The following IPCEF1 variants were observed in gnomAD, a reference collection of about 807,000 sequenced individuals.
The protein encoded by IPCEF1 is interaction protein for cytohesin exchange factors 1, also known as interactor protein for cytohesin exchange factors 1.
Under a neutral mutation model 50.9 loss-of-function variants are expected in IPCEF1, and 31 were observed. The ratio of observed to expected loss-of-function variants is 0.61; its 90% CI spans 0.46 to 0.82. IPCEF1 has a LOEUF of 0.82. IPCEF1 is among the 40% of genes least tolerant of loss of function. The probability of loss-of-function intolerance (pLI) is 0.00; values close to 1 mark genes in which losing one functional copy is unlikely to be tolerated. For missense variants in IPCEF1, 458 were observed against 514.0 expected, an observed-to-expected ratio of 0.89 and a Z score of 1.05; for synonymous variants, 181 against 192.0, an observed-to-expected ratio of 0.94 and a Z score of 0.47.
At chr6:154,347,304 C>A (rs980846767) in intron 1 of IPCEF1, among the ~76,000 whole-genome samples, 6 of 152,174 alleles carry the variant, frequency 3.9e-5, no homozygotes, top group Non-Finnish European at 8.8e-5. Flanking sequence ...CAAATTCTGA[C>A]CCCAGAGTCA....
chr6:154,281,150 G>C (rs1251562812), intron 2 of IPCEF1, among the ~76,000 whole-genome samples: 2 of 148,402 alleles, frequency 1.3e-5, no homozygotes, highest in African/African-American at 5.0e-5. Flanking sequence ...GACCAGCCTG[G>C]GCAAGATGGT....
At chr6:154,296,702 G>A (rs1782669301) in intron 1 of IPCEF1, among the ~76,000 whole-genome samples, 2 of 151,856 alleles carry the variant, frequency 1.3e-5, no homozygotes, top group Non-Finnish European at 2.9e-5. Context: ...GGTGGCGGGC[G>A]CCTGTAGTCC....
At chr6:154,274,100 T>C (rs988671472) in intron 2 of IPCEF1, among the ~76,000 whole-genome samples, 2 of 151,664 alleles carry the variant, frequency 1.3e-5, no homozygotes, top group Non-Finnish European at 2.9e-5. Context: ...CTGATTCCAA[T>C]CCATTTTCTA....
intron 1 of IPCEF1, among the ~76,000 whole-genome samples, chr6:154,305,114 CA>C (rs5881075): frequency 0.17 from 22,843 of 133,988 alleles, 2,205 homozygotes; most frequent in East Asian, 0.35. Flanking sequence ...AACTCTGTCT[CA>C]AAAAAAAAAA....
At chr6:154,178,178 T>C (rs1346360544) in intron 10 of IPCEF1, among the ~76,000 whole-genome samples, 1 of 152,062 alleles carries the variant, frequency 6.6e-6, no homozygotes, top group Admixed American at 6.6e-5. Flanking sequence ...TTAGGAGAAA[T>C]ACCTAATGTA....
At chr6:154,338,511 T>C (rs1185246744) in intron 1 of IPCEF1, among the ~76,000 whole-genome samples, 8 of 152,224 alleles carry the variant, frequency 5.3e-5, no homozygotes, top group Non-Finnish European at 1.0e-4. Flanking sequence ...TAAATTGTTA[T>C]GAGTTACTAA....
At chr6:154,239,919 C>T (rs549087547) in intron 5 of IPCEF1, among the ~76,000 whole-genome samples, 1 of 152,332 alleles carries the variant, frequency 6.6e-6, no homozygotes, top group African/African-American at 2.4e-5. Context: ...CCAGGCTGAT[C>T]TTGAACTCCT....
At chr6:154,219,947 C>G (rs1051996418) in intron 7 of IPCEF1, among the ~76,000 whole-genome samples, 2 of 150,442 alleles carry the variant, frequency 1.3e-5, no homozygotes, top group African/African-American at 4.9e-5. Context: ...AGATGAGAGT[C>G]CTTCTAGCTG....
At chr6:154,276,396 G>C (rs909813444) in intron 2 of IPCEF1, among the ~76,000 whole-genome samples, 1 of 152,208 alleles carries the variant, frequency 6.6e-6, no homozygotes, top group African/African-American at 2.4e-5. Flanking sequence ...TATCAGACAA[G>C]AGAGACCATA....
chr6:154,195,579 C>T (rs1261995637), intron 10 of IPCEF1, among the ~76,000 whole-genome samples: 1 of 152,110 alleles, frequency 6.6e-6, no homozygotes, highest in Admixed American at 6.6e-5. Context: ...ATCCCCTTTA[C>T]CCACGCCTCC....
chr6:154,249,414 C>A (rs7738233), intron 3 of IPCEF1, among the ~76,000 whole-genome samples: 1 of 151,846 alleles, frequency 6.6e-6, no homozygotes, highest in Non-Finnish European at 1.5e-5. Context: ...GAAGAGAATT[C>A]GTGAATGTAG....
At chr6:154,343,880 A>T (rs1238732027) in intron 1 of IPCEF1, among the ~76,000 whole-genome samples, 1 of 152,170 alleles carries the variant, frequency 6.6e-6, no homozygotes, top group Non-Finnish European at 1.5e-5. Context: ...GGAGATTCCC[A>T]CATGTCCTCT....
At chr6:154,354,652 A>G (rs1332575835) in intron 1 of IPCEF1, among the ~76,000 whole-genome samples, 1 of 150,986 alleles carries the variant, frequency 6.6e-6, no homozygotes, top group Non-Finnish European at 1.5e-5. Context: ...CTTTATCTCC[A>G]CCTCCACCTC....
chr6:154,319,612 A>G (rs1293928), intron 1 of IPCEF1, among the ~76,000 whole-genome samples: 44,425 of 152,210 alleles, frequency 0.29, 6,886 homozygotes, highest in Non-Finnish European at 0.34. Context: ...GCCTAACCAA[A>G]GCATGTGTCA....
chr6:154,293,060 T>C (rs964375747), intron 1 of IPCEF1, among the ~76,000 whole-genome samples: 4 of 152,236 alleles, frequency 2.6e-5, no homozygotes, highest in Non-Finnish European at 5.9e-5. Flanking sequence ...TCTTATTTAC[T>C]TTTTGCCGTG....
chr6:154,172,830 T>C (rs1012472872), intron 10 of IPCEF1, among the ~76,000 whole-genome samples: 4 of 152,230 alleles, frequency 2.6e-5, no homozygotes, highest in African/African-American at 9.7e-5. Flanking sequence ...CGGCATTCGA[T>C]CTCTGATAAC....
intron 5 of IPCEF1, among the ~76,000 whole-genome samples, chr6:154,231,667 A>T (rs961175914): frequency 6.6e-6 from 1 of 152,228 alleles, no homozygotes; most frequent in Non-Finnish European, 1.5e-5. Flanking sequence ...ATTTGACTCA[A>T]TATACACACT....
At chr6:154,353,569 G>A (rs1784154198) in intron 1 of IPCEF1, among the ~76,000 whole-genome samples, 1 of 152,188 alleles carries the variant, frequency 6.6e-6, no homozygotes, top group Non-Finnish European at 1.5e-5. Flanking sequence ...TTACAGGCAT[G>A]AGAGCCACCG....
intron 2 of IPCEF1, among the ~76,000 whole-genome samples, chr6:154,285,161 C>T (rs970483096): frequency 1.3e-5 from 2 of 152,080 alleles, no homozygotes; most frequent in African/African-American, 2.4e-5. Flanking sequence ...CTAACATATA[C>T]CCAAGATAGG....
Sources: allele counts gnomAD v4.1 joint callset (sites outside exome capture counted in the v4.1 genomes callset), GRCh38; gene constraint gnomAD v4.1.1; transcripts MANE v1.5; gene names NCBI Gene and HGNC (gene_info 2026-07-23, HGNC 2026-07-21).